NOS1AP: variants seen among roughly 807,000 people sequenced by gnomAD.
NOS1AP encodes the protein carboxyl-terminal PDZ ligand of neuronal nitric oxide synthase protein.
A neutral mutation model predicts 56.2 loss-of-function variants in NOS1AP; 21 were observed. That is an observed-to-expected ratio of 0.37 (90% CI 0.26 to 0.54). The LOEUF (loss-of-function observed/expected upper bound fraction) is 0.54, where lower values mean the gene tolerates loss of function less well. NOS1AP is among the 20% of genes least tolerant of loss of function. The pLI is 0.84. For synonymous variants in NOS1AP, 270 were observed against 274.6 expected, an observed-to-expected ratio of 0.98 and a Z score of 0.17; for missense variants, 522 against 657.8, an observed-to-expected ratio of 0.79 and a Z score of 2.26.
Position 162,197,545 on chromosome 1 carries a change from C to CT in NOS1AP, c.177+43070dup, listed in dbSNP as rs200702294. 4.5e-3 allele frequency among the ~76,000 whole-genome samples: 681 copies of CT among 152,282 alleles called. 6 individuals carry two copies. Among genetic ancestry groups the CT allele is most frequent in the African/African-American group, 0.016 (646 of 41,538 alleles). On this transcript the variant is annotated intron_variant, in intron 2 of 9. Transcript: ENST00000361897. Reference sequence around the variant, plus strand: ...CTAGTCTGTTCCTAAAAATAAGTCTCTAAGAAGCAAGTGAAGTGCTTTTCA... The same window carrying CT: ...CTAGTCTGTTCCTAAAAATAAGTCTCTTAAGAAGCAAGTGAAGTGCTTTTCA...
At position 162,160,936 on chromosome 1, in the gene NOS1AP, A is replaced by G. The variant is rs556065147; in HGVS notation, c.177+6460A>G. Among the ~76,000 whole-genome samples the G allele has an allele frequency of 3.3e-5, 5 of 152,302 alleles. No individual in the cohort carries two copies. In the East Asian group the frequency reaches 9.7e-4, roughly 29 times the overall value. ...GGGCTGCGTTCCTTCTGGAGGTTCT[A>G]GAGGAGAATCTGTTCCTTGGCTTTT... On this transcript the variant is annotated intron_variant, in intron 2 of 9. Coordinates refer to ENST00000361897, the MANE Select transcript of NOS1AP (RefSeq NM_014697.3).
At chr1:162,289,694 C>T (rs1418104954) in intron 3 of NOS1AP, among the ~76,000 whole-genome samples, 1 of 151,946 alleles carries the variant, frequency 6.6e-6, no homozygotes, top group Non-Finnish European at 1.5e-5. Flanking sequence ...CAGGTGGTCT[C>T]GAACTCCTGA....
chr1:162,296,769 G>A (rs1178294917), intron 3 of NOS1AP, among the ~76,000 whole-genome samples: 1 of 152,180 alleles, frequency 6.6e-6, no homozygotes, highest in Non-Finnish European at 1.5e-5. Context: ...GAAGAGTCTT[G>A]CCCAGCTTAG....
At chr1:162,109,507 G>T (rs1376049413) in intron 1 of NOS1AP, among the ~76,000 whole-genome samples, 1 of 152,158 alleles carries the variant, frequency 6.6e-6, no homozygotes, top group Non-Finnish European at 1.5e-5. Context: ...AAGCAGGTGG[G>T]TATGGATGAA....
At chr1:162,095,741 C>G (rs1434175208) in intron 1 of NOS1AP, among the ~76,000 whole-genome samples, 1 of 152,158 alleles carries the variant, frequency 6.6e-6, no homozygotes, top group African/African-American at 2.4e-5. Context: ...TTAGTACTAG[C>G]CTTGATACCA....
chr1:162,226,930 T>TA (rs1042713523), intron 2 of NOS1AP, among the ~76,000 whole-genome samples: 5 of 151,784 alleles, frequency 3.3e-5, no homozygotes, highest in Non-Finnish European at 5.9e-5. Context: ...TTTTTTTTTT[T>TA]AAATCCCCAG....
At position 162,079,264 on chromosome 1, in the gene NOS1AP, A is replaced by G. The variant is rs141744120; in HGVS notation, c.105+8982A>G. On this transcript the variant is annotated intron_variant, in intron 1 of 9. Transcript: ENST00000361897. ...GAATTAAATAAAATTCCACTGATGG[A>G]TGTCCAGTGGAATTAGAATCTGAAT... is the stretch of plus-strand genomic sequence containing the variant. 1.8e-3 allele frequency among the ~76,000 whole-genome samples: 271 copies of G among 152,296 alleles called. 3 individuals are homozygous for G. Among genetic ancestry groups the G allele is most frequent in the African/African-American group, 6.2e-3 (258 of 41,548 alleles).
rs533594499 is a variant in NOS1AP, at chr1:162,287,253, A to G, written c.178-91A>G. 7.7e-4 allele frequency: 684 copies of G among 883,984 alleles called. 9 individuals carry two copies. In the South Asian group the frequency reaches 8.9e-3, roughly 11 times the overall value. 54.8% of individuals were successfully genotyped at this position (883,984 alleles called of 1,614,324 possible). On this transcript the variant is annotated intron_variant, in intron 2 of 9. Transcript: ENST00000361897. ...AGCTATTCCCCACACCTGTCTGGGG[A>G]CCTTTTTTCCAGGCATGGGCTAGCT...
intron 2 of NOS1AP, among the ~76,000 whole-genome samples, chr1:162,161,538 T>C (rs1403539234): frequency 6.6e-6 from 1 of 152,244 alleles, no homozygotes; most frequent in Non-Finnish European, 1.5e-5. Flanking sequence ...GCATGCAGCA[T>C]ACTGAGTGAA....
At chr1:162,201,773 C>A (rs549540060) in intron 2 of NOS1AP, among the ~76,000 whole-genome samples, 1 of 152,270 alleles carries the variant, frequency 6.6e-6, no homozygotes, top group African/African-American at 2.4e-5. Context: ...TGTTCATGTC[C>A]TTTGCCCACT....
At chr1:162,086,951 A>G (rs1570998689) in intron 1 of NOS1AP, among the ~76,000 whole-genome samples, 2 of 152,150 alleles carry the variant, frequency 1.3e-5, no homozygotes, top group Non-Finnish European at 2.9e-5. Context: ...AGCAAATACT[A>G]GTTTCTCACC....
intron 1 of NOS1AP, among the ~76,000 whole-genome samples, chr1:162,148,282 AT>A (rs1649567181): frequency 6.6e-6 from 1 of 152,156 alleles, no homozygotes; most frequent in Non-Finnish European, 1.5e-5. Context: ...AGTCAAATGT[AT>A]TTTGAGCATC....
intron 4 of NOS1AP, 130 bp downstream of exon 4, chr1:162,300,836 G>T (rs1304532771): frequency 1.3e-6 from 1 of 752,530 alleles, no homozygotes; most frequent in Non-Finnish European, 2.4e-6. Context: ...CCTGAGACCT[G>T]TTGCTTCCAT....
At chr1:162,304,180 C>T (rs2101758000) in intron 4 of NOS1AP, among the ~76,000 whole-genome samples, 1 of 152,160 alleles carries the variant, frequency 6.6e-6, no homozygotes, top group South Asian at 2.1e-4. Flanking sequence ...TCTCCTCCTC[C>T]TCTTCCTTCT....
intron 4 of NOS1AP, among the ~76,000 whole-genome samples, chr1:162,322,156 A>G (rs1394883654): frequency 6.6e-6 from 1 of 152,204 alleles, no homozygotes; most frequent in East Asian, 1.9e-4. Context: ...TGGCCTGGAC[A>G]TTGACCTGAG....
At chr1:162,100,748 A>G (rs941699904) in intron 1 of NOS1AP, among the ~76,000 whole-genome samples, 3 of 151,850 alleles carry the variant, frequency 2.0e-5, no homozygotes, top group African/African-American at 7.3e-5. Flanking sequence ...TGAGAAGTGT[A>G]TGTTCATGTC....
In NOS1AP at chr1:162,369,107, TTATATA is replaced by T. The variant is rs544870282; in HGVS notation, c.*1643_*1648del. The T allele has an allele frequency of 1.3e-5, 2 of 152,178 alleles. No homozygotes were observed. Among genetic ancestry groups the T allele is most frequent in the African/African-American group, 4.8e-5 (2 of 41,424 alleles). 9.4% of individuals were successfully genotyped at this position (152,178 alleles called of 1,614,324 possible). On this transcript the variant is annotated 3_prime_UTR_variant, in exon 10 of 10. Coordinates refer to ENST00000361897, the MANE Select transcript of NOS1AP (RefSeq NM_014697.3). ...TTTGTGTGTGTGTGTACACATGTGT[TTATATA>T]TACATGTGTGAGGGAAAGTGTGTAC... is the stretch of plus-strand genomic sequence containing the variant.
At chr1:162,243,313 G>A (rs140253893) in intron 2 of NOS1AP, among the ~76,000 whole-genome samples, 1 of 152,292 alleles carries the variant, frequency 6.6e-6, no homozygotes, top group East Asian at 1.9e-4. Context: ...GGAAGGCAAT[G>A]ATGAGGGGCA....
chr1:162,124,270 A>AC (rs1648381849), intron 1 of NOS1AP, among the ~76,000 whole-genome samples: 1 of 151,510 alleles, frequency 6.6e-6, no homozygotes, highest in Non-Finnish European at 1.5e-5. Context: ...TTCATCTCTC[A>AC]CCCCCGTCTT....
Sources: gnomAD v4.1 joint callset for allele counts (sites outside exome capture counted in the v4.1 genomes callset) on GRCh38, gnomAD v4.1.1 for gene constraint, MANE v1.5 for transcripts, NCBI Gene and HGNC (gene_info 2026-07-23, HGNC 2026-07-21) for gene names.